The following MTAP variants were observed in gnomAD, a reference collection of about 807,000 sequenced individuals.
MTAP encodes the protein methylthioadenosine phosphorylase, also known as S-methyl-5'-thioadenosine phosphorylase.
MTAP carries 33 observed loss-of-function variants against 33.6 expected under a neutral mutation model. The observed-to-expected ratio is 0.98, with a 90% confidence interval of 0.74 to 1.31. MTAP has a LOEUF of 1.31. MTAP is among the 40% of genes most tolerant of loss of function. MTAP has a pLI of 0.00. For synonymous variants in MTAP, 148 were observed against 125.7 expected (o/e 1.18, Z -1.19); for missense variants, 367 against 360.0 (o/e 1.02, Z -0.16).
intron 5 of MTAP, among the ~76,000 whole-genome samples, chr9:21,842,370 A>T (rs759426951): frequency 1.7e-4 from 26 of 152,332 alleles, no homozygotes; most frequent in Non-Finnish European, 3.1e-4. Flanking sequence ...TGGCCTTGCT[A>T]CAGATCTAGA....
downstream of MTAP, chr9:21,932,164 T>G (rs920098569): frequency 1.2e-4 from 19 of 152,218 alleles, no homozygotes; most frequent in African/African-American, 7.2e-5. Flanking sequence ...GTGAGAAAAT[T>G]ATGGCAGTAG....
chr9:21,862,239 GA>G lies in MTAP; in HGVS notation c.*231del, dbSNP rs1252496460. On this transcript the variant is annotated 3_prime_UTR_variant, in exon 8 of 8. Coordinates refer to ENST00000644715, the MANE Select transcript of MTAP (RefSeq NM_002451.4). ...AAGCAAATGACTAGTAAACATGTGGGAAAAAATATTACATTTTAAGGGGGAA... is the reference window on the plus strand; with the variant it reads ...AAGCAAATGACTAGTAAACATGTGGGAAAAATATTACATTTTAAGGGGGAA... 2 of 1,131,304 alleles carry G rather than the reference GA, an allele frequency of 1.8e-6. No homozygotes were observed. Among genetic ancestry groups the G allele is most frequent in the Non-Finnish European group, 1.1e-6 (1 of 880,106 alleles). The allele number at this position is 1,131,304 out of a possible 1,614,324, so 70.1% of individuals were successfully genotyped here.
exon 2 of MTAP, chr9:21,931,143 G>A (rs960597170): frequency 1.1e-5 from 8 of 756,538 alleles, no homozygotes; most frequent in Admixed American, 5.2e-5. Flanking sequence ...GTCTCCCTTA[G>A]ACCTGGCTGG....
chr9:21,839,734 T>G (rs939868055), intron 5 of MTAP, among the ~76,000 whole-genome samples: 2 of 152,238 alleles, frequency 1.3e-5, no homozygotes, highest in South Asian at 4.1e-4. Context: ...TGATCTTTCA[T>G]GTACTGATGG....
intron 7 of MTAP, chr9:21,860,741 GTTTA>G (rs1825736701): frequency 6.6e-6 from 1 of 151,608 alleles, no homozygotes; most frequent in Non-Finnish European, 1.5e-5. Context: ...AAGTTTGTTT[GTTTA>G]TTTGTTTGTT....
chr9:21,894,432 G>A (rs183487333), intron 1 of MTAP, among the ~76,000 whole-genome samples: 39 of 151,952 alleles, frequency 2.6e-4, no homozygotes, highest in African/African-American at 7.2e-4. Context: ...AGAAATAAAG[G>A]TTTCCAAATA....
chr9:21,811,651 C>T, intron 1 of MTAP: 1 of 523,170 alleles, frequency 1.9e-6, no homozygotes, highest in South Asian at 1.4e-5. Flanking sequence ...CTCACTCAAA[C>T]TCTTCCTCCT....
intron 1 of MTAP, among the ~76,000 whole-genome samples, chr9:21,901,548 A>G (rs961760998): frequency 6.6e-6 from 1 of 152,198 alleles, no homozygotes; most frequent in Admixed American, 6.5e-5. Flanking sequence ...TCATATGATT[A>G]TTAACTATAA....
chr9:21,889,251 C>T (rs4587423), intron 1 of MTAP, among the ~76,000 whole-genome samples: 35,127 of 151,826 alleles, frequency 0.23, 4,382 homozygotes, highest in East Asian at 0.39. Context: ...TTCTTTCTTC[C>T]ACTTGTTTGA....
chr9:21,849,310 A>T (rs759584748), intron 5 of MTAP, among the ~76,000 whole-genome samples: 2 of 152,196 alleles, frequency 1.3e-5, no homozygotes, highest in African/African-American at 4.8e-5. Flanking sequence ...CAGACATTTC[A>T]GGGACTACTG....
intron 1 of MTAP, among the ~76,000 whole-genome samples, chr9:21,896,615 C>T (rs1818297939): frequency 6.6e-6 from 1 of 152,154 alleles, no homozygotes; most frequent in Non-Finnish European, 1.5e-5. Flanking sequence ...CACCTCTATG[C>T]AAATAAACTA....
intron 5 of MTAP, among the ~76,000 whole-genome samples, chr9:21,853,639 A>T (rs909872547): frequency 9.9e-5 from 15 of 152,216 alleles, no homozygotes; most frequent in African/African-American, 3.1e-4. Flanking sequence ...GGTTAGCCAA[A>T]TATGTGTAGA....
At chr9:21,861,954 C>G (rs1286032920) in intron 7 of MTAP, 22 bp from the exon 8 acceptor site, 2 of 1,302,464 alleles carry the variant, frequency 1.5e-6, no homozygotes, top group Non-Finnish European at 2.2e-6. Context: ...GTGAATATCA[C>G]TGCCTCCTTT....
intron 1 of MTAP, among the ~76,000 whole-genome samples, chr9:21,890,903 A>G (rs1338119083): frequency 6.6e-6 from 1 of 152,072 alleles, no homozygotes; most frequent in East Asian, 1.9e-4. Context: ...AAAGTTTATG[A>G]TGTAAGCCTC....
At chr9:21,926,560 G>A (rs954602791) in intron 1 of MTAP, among the ~76,000 whole-genome samples, 2 of 152,102 alleles carry the variant, frequency 1.3e-5, no homozygotes, top group African/African-American at 2.4e-5. Context: ...TTGAATTGGG[G>A]AATGAAAAAG....
At chr9:21,931,166 A>G (rs1223919054) in exon 2 of MTAP, 2 of 749,692 alleles carry the variant, frequency 2.7e-6, no homozygotes, top group Non-Finnish European at 4.9e-6. Context: ...ACTGCTTCCA[A>G]CAACCCATGC....
intron 1 of MTAP, among the ~76,000 whole-genome samples, chr9:21,902,502 C>G (rs898441713): frequency 3.3e-5 from 5 of 152,214 alleles, no homozygotes; most frequent in African/African-American, 1.2e-4. Context: ...AACAACATGA[C>G]AAATGTGACA....
At chr9:21,828,233 A>G (rs1423260674) in intron 4 of MTAP, among the ~76,000 whole-genome samples, 3 of 152,326 alleles carry the variant, frequency 2.0e-5, no homozygotes, top group South Asian at 2.1e-4. Flanking sequence ...TGGAAGTTCA[A>G]AGTCTCTAAT....
At chr9:21,889,533 C>T (rs907650857) in intron 1 of MTAP, among the ~76,000 whole-genome samples, 5 of 152,092 alleles carry the variant, frequency 3.3e-5, no homozygotes, top group African/African-American at 1.2e-4. Context: ...GAGGAAAGGT[C>T]TGGGACTAAA....
Sources: allele counts gnomAD v4.1 joint callset (sites outside exome capture counted in the v4.1 genomes callset), GRCh38; gene constraint gnomAD v4.1.1; transcripts MANE v1.5; gene names NCBI Gene and HGNC (gene_info 2026-07-23, HGNC 2026-07-21).